MACROD2: variants seen among roughly 807,000 people sequenced by gnomAD.
MACROD2 encodes the protein mono-ADP ribosylhydrolase 2, also known as ADP-ribose glycohydrolase MACROD2.
A neutral mutation model predicts 70.4 loss-of-function variants in MACROD2; 36 were observed. That is an observed-to-expected ratio of 0.51 (90% CI 0.39 to 0.68). The LOEUF is 0.68. MACROD2 is among the 30% of genes least tolerant of loss of function. The pLI, the probability that MACROD2 is intolerant of heterozygous loss-of-function variation, is 0.00. For synonymous variants in MACROD2, 172 were observed against 178.8 expected, an observed-to-expected ratio of 0.96 and a Z score of 0.30; for missense variants, 496 against 538.4, an observed-to-expected ratio of 0.92 and a Z score of 0.78.
intron 3 of MACROD2, among the ~76,000 whole-genome samples, chr20:14,441,446 A>G (rs548157070): frequency 1.2e-4 from 18 of 152,190 alleles, no homozygotes; most frequent in Non-Finnish European, 2.2e-4. Flanking sequence ...ATTTTGTGGT[A>G]GTTTGTTATA....
At chr20:14,793,584 GT>G (rs1418502647) in intron 5 of MACROD2, among the ~76,000 whole-genome samples, 2 of 152,036 alleles carry the variant, frequency 1.3e-5, no homozygotes, top group African/African-American at 2.4e-5. Flanking sequence ...TTATACCGGG[GT>G]TGGAAAGCTA....
intron 7 of MACROD2, among the ~76,000 whole-genome samples, chr20:15,466,149 G>A (rs987608718): frequency 1.3e-5 from 2 of 152,188 alleles, no homozygotes; most frequent in African/African-American, 4.8e-5. Context: ...ATCAGAAAAA[G>A]TCGTGGCTGG....
At chr20:15,205,367 A>T (rs1014309560) in intron 5 of MACROD2, among the ~76,000 whole-genome samples, 2 of 151,660 alleles carry the variant, frequency 1.3e-5, no homozygotes, top group African/African-American at 4.8e-5. Flanking sequence ...CAAAAACTAA[A>T]TCACACTTCA....
At chr20:15,114,684 G>T (rs1236317828) in intron 5 of MACROD2, among the ~76,000 whole-genome samples, 1 of 152,202 alleles carries the variant, frequency 6.6e-6, no homozygotes, top group Non-Finnish European at 1.5e-5. Flanking sequence ...TTCTATATTT[G>T]TGGTCATTTG....
At chr20:15,589,077 G>T (rs563096875) in intron 8 of MACROD2, among the ~76,000 whole-genome samples, 90 of 152,324 alleles carry the variant, frequency 5.9e-4, no homozygotes, top group African/African-American at 2.2e-3. Flanking sequence ...GGCTGGGGAG[G>T]CCTCAGAATC....
intron 8 of MACROD2, among the ~76,000 whole-genome samples, chr20:15,663,113 C>T (rs1264162574): frequency 5.3e-5 from 8 of 151,958 alleles, no homozygotes; most frequent in Non-Finnish European, 1.2e-4. Context: ...CTCATGTTCT[C>T]TTATAGAAAG....
intron 5 of MACROD2, among the ~76,000 whole-genome samples, chr20:14,861,993 T>A (rs11474411): frequency 1.6e-3 from 58 of 36,448 alleles, no homozygotes; most frequent in African/African-American, 1.8e-3. Context: ...ATATATATAT[T>A]TATATATATA....
intron 3 of MACROD2, among the ~76,000 whole-genome samples, chr20:14,297,455 T>G (rs2082437042): frequency 6.6e-6 from 1 of 151,902 alleles, no homozygotes; most frequent in Non-Finnish European, 1.5e-5. Flanking sequence ...AACACATGAA[T>G]GATAAGAAAG....
intron 3 of MACROD2, among the ~76,000 whole-genome samples, chr20:14,480,873 T>C (rs566390054): frequency 6.6e-6 from 1 of 152,276 alleles, no homozygotes. Context: ...GATATAAATA[T>C]AATAATGTAT....
chr20:15,752,610 C>A (rs185275652), intron 8 of MACROD2, among the ~76,000 whole-genome samples: 1 of 152,172 alleles, frequency 6.6e-6, no homozygotes. Context: ...TTATCTTTTT[C>A]ATTGCATGGT....
chr20:15,817,190 T>A (rs2063886294), intron 8 of MACROD2, among the ~76,000 whole-genome samples: 1 of 152,212 alleles, frequency 6.6e-6, no homozygotes, highest in Admixed American at 6.5e-5. Context: ...AAGTACTCAG[T>A]TTTCTCTTAA....
intron 5 of MACROD2, among the ~76,000 whole-genome samples, chr20:14,842,641 G>A (rs567047750): frequency 6.6e-6 from 1 of 152,186 alleles, no homozygotes; most frequent in African/African-American, 2.4e-5. Flanking sequence ...ATTTGTGTGC[G>A]ATTAAAGTAG....
At chr20:15,637,700 C>T (rs1031873949) in intron 8 of MACROD2, among the ~76,000 whole-genome samples, 4 of 152,184 alleles carry the variant, frequency 2.6e-5, no homozygotes, top group African/African-American at 7.2e-5. Flanking sequence ...CCTTCTGTGT[C>T]CCCGATCTTT....
chr20:14,684,677 C>A (rs1297303472), intron 4 of MACROD2, among the ~76,000 whole-genome samples, 166 bp from the exon 5 acceptor site: 1 of 150,578 alleles, frequency 6.6e-6, no homozygotes, highest in Non-Finnish European at 1.5e-5. Flanking sequence ...CGCCAACACA[C>A]ACACAAACAA....
chr20:15,094,836 T>TACTG (rs982394690), intron 5 of MACROD2, among the ~76,000 whole-genome samples: 1 of 152,166 alleles, frequency 6.6e-6, no homozygotes, highest in Non-Finnish European at 1.5e-5. Context: ...AGGTTATTGA[T>TACTG]ACTGGCATTT....
chr20:14,113,161 T>C (rs2054474077), intron 3 of MACROD2, among the ~76,000 whole-genome samples: 1 of 152,054 alleles, frequency 6.6e-6, no homozygotes, highest in Non-Finnish European at 1.5e-5. Context: ...AAGCACCCCA[T>C]GTTTGGTTTA....
At chr20:15,099,970 A>T (rs1208764752) in intron 5 of MACROD2, among the ~76,000 whole-genome samples, 1 of 152,100 alleles carries the variant, frequency 6.6e-6, no homozygotes, top group Non-Finnish European at 1.5e-5. Flanking sequence ...AGAAAAAAAA[A>T]GAAATGGGAG....
intron 5 of MACROD2, among the ~76,000 whole-genome samples, chr20:15,014,825 C>T (rs1233354805): frequency 4.6e-5 from 7 of 152,146 alleles, no homozygotes; most frequent in South Asian, 2.1e-4. Flanking sequence ...CTAATTCTAT[C>T]GTTAAGACCT....
Position 15,609,346 on chromosome 20 carries a change from G to A in MACROD2, c.645+109499G>A, listed in dbSNP as rs368407451. ...AAACAAGGCATACGGTGCATTCATTGTTTTAGAACTGAGAAACAAGCTCCT... is the reference window on the plus strand; with the variant it reads ...AAACAAGGCATACGGTGCATTCATTATTTTAGAACTGAGAAACAAGCTCCT... On this transcript the variant is annotated intron_variant, in intron 8 of 17. Coordinates refer to ENST00000684519, the MANE Select transcript of MACROD2 (RefSeq NM_001351661.2). 1.8e-4 allele frequency among the ~76,000 whole-genome samples: 27 copies of A among 152,316 alleles called. No homozygotes were observed. In the East Asian group the frequency reaches 4.8e-3, roughly 27 times the overall value.
Sources: gnomAD v4.1 joint callset for allele counts (sites outside exome capture counted in the v4.1 genomes callset) on GRCh38, gnomAD v4.1.1 for gene constraint, MANE v1.5 for transcripts, NCBI Gene and HGNC (gene_info 2026-07-23, HGNC 2026-07-21) for gene names.